The following DNAJC14 variants were observed in gnomAD, a reference collection of about 807,000 sequenced individuals.
The protein encoded by DNAJC14 is dnaJ homolog subfamily C member 14.
Under a neutral mutation model 68.8 loss-of-function variants are expected in DNAJC14, and 12 were observed. The ratio of observed to expected loss-of-function variants is 0.17; its 90% confidence interval spans 0.11 to 0.28. DNAJC14 has a LOEUF of 0.28. Among genes scored for constraint, DNAJC14 ranks in the 10% least tolerant of loss-of-function variants. DNAJC14 has a pLI of 1.00. For synonymous variants in DNAJC14, 350 were observed against 321.5 expected (o/e 1.09, Z -0.95); for missense variants, 764 against 875.6 (o/e 0.87, Z 1.61).
intron 2 of DNAJC14, among the ~76,000 whole-genome samples, chr12:55,823,811 TCTC>T (rs1425771830): frequency 1.3e-5 from 2 of 150,562 alleles, no homozygotes; most frequent in African/African-American, 4.9e-5. Context: ...TTCTAGCAAT[TCTC>T]CTGCCTCAGC....
chr12:55,829,009 T>G (rs1880886527), intron 1 of DNAJC14: 3 of 791,288 alleles, frequency 3.8e-6, no homozygotes, highest in South Asian at 5.3e-5. Flanking sequence ...GGGTCACTCT[T>G]AGGAAAATGG....
upstream of DNAJC14, chr12:55,829,682 G>T: frequency 2.2e-6 from 2 of 913,992 alleles, no homozygotes; most frequent in African/African-American, 1.8e-5. Context: ...AGAAATAGCG[G>T]TTGGCTGAGA....
intron 1 of DNAJC14, 91 bp from the exon 2 acceptor site, chr12:55,828,805 C>A: frequency 1.5e-6 from 2 of 1,365,594 alleles, no homozygotes; most frequent in South Asian, 1.8e-5. Context: ...AATTCATCCA[C>A]CTCCCTTGTT....
rs1467353847 is a variant in DNAJC14, at chr12:55,821,900, G to A, written c.*77C>T. 7.1e-6 allele frequency: 10 copies of A among 1,410,288 alleles called. No individual in the cohort carries two copies. The highest frequency in any genetic ancestry group is 9.6e-6 in the Non-Finnish European group (10 of 1,039,322). The allele number at this position is 1,410,288 out of a possible 1,614,324, so 87.4% of individuals were successfully genotyped here. On this transcript the variant is annotated 3_prime_UTR_variant, in exon 7 of 7. Coordinates refer to ENST00000678005, the MANE Select transcript of DNAJC14 (RefSeq NM_032364.6). ...ATTCAGTTCCTAGGTGTTGGGGGAG[G>A]AGGGATAAATCAAACTCCATCCTGT...
chr12:55,827,760 C>T lies in DNAJC14; in HGVS notation c.899G>A (p.Gly300Asp). Residue 300 changes from glycine to aspartate, a missense_variant, in exon 2 of 7, where the codon GGC (glycine) becomes GAC (aspartate). Gly to Asp is a moderately conservative substitution (Grantham distance 94). Transcript: ENST00000678005. ...AAACTGAAACATGACCTGGGCCCAG[C>T]CCCCTAACCGCCCTGTCCACACTCC... ...WMGVWTGRLG[G>D]WAQVMFQFLS... 6.2e-7 allele frequency: 1 copy of T among 1,613,930 alleles called. No individual in the cohort carries two copies. Among genetic ancestry groups the T allele is most frequent in the Admixed American group, 1.7e-5 (1 of 59,968 alleles).
chr12:55,826,231 A>C (rs1880790579), intron 2 of DNAJC14, among the ~76,000 whole-genome samples: 1 of 151,190 alleles, frequency 6.6e-6, no homozygotes, highest in Non-Finnish European at 1.5e-5. Context: ...GACAAACAAA[A>C]TGGAGGGAAG....
Position 55,822,512 on chromosome 12 carries a change from G to C in DNAJC14, c.1796-37C>G, listed in dbSNP as rs763983079. ...AGAAATAATTAGCCAAAACGTCGCA[G>C]TTTAGAGCACATAAAAGATCAGGAA... On this transcript the variant is annotated intron_variant, in intron 5 of 6. Coordinates refer to ENST00000678005, the MANE Select transcript of DNAJC14 (RefSeq NM_032364.6). 1 of 1,613,748 alleles carries C rather than the reference G, an allele frequency of 6.2e-7. No individual in the cohort carries two copies. The highest frequency in any genetic ancestry group is 8.5e-7 in the Non-Finnish European group (1 of 1,179,842).
rs149569906 is a variant in DNAJC14 at position 55,827,510 on chromosome 12, A to T, written c.1149T>A (p.Asp383Glu). The T allele has an allele frequency of 5.1e-4, 813 of 1,604,502 alleles. No individual in the cohort carries two copies. The highest frequency in any genetic ancestry group is 5.9e-4 in the Non-Finnish European group (690 of 1,172,094). Reference sequence around the variant, plus strand: ...TTACCAGCCGCTGCCATGGCCTGCTATCTCTCAGCAGAGTCAAGCAACGCT... The same window carrying T: ...TTACCAGCCGCTGCCATGGCCTGCTTTCTCTCAGCAGAGTCAAGCAACGCT... ...ALQRCLTLLR[D>E]SRPWQRLVRI... Residue 383 changes from aspartate (D) to glutamate (E), a missense_variant, in exon 2 of 7, where the codon GAT becomes GAA. Asp to Glu is a conservative substitution (Grantham distance 45). Around this residue, in one of 4 missense-constraint regions of DNAJC14, gnomAD observed 514 missense variants for 521.7 expected, o/e 0.99. Coordinates refer to ENST00000678005, the MANE Select transcript of DNAJC14 (RefSeq NM_032364.6).
At chr12:55,829,718 G>A (rs1392781097), upstream of DNAJC14, 9 of 607,136 alleles carry the variant, frequency 1.5e-5, no homozygotes, top group Non-Finnish European at 1.9e-5. Flanking sequence ...CTAGGGCTGC[G>A]TCGACTCCAA....
chr12:55,826,042 T>C (rs936685947), intron 2 of DNAJC14, among the ~76,000 whole-genome samples: 2 of 151,918 alleles, frequency 1.3e-5, no homozygotes, highest in Admixed American at 6.6e-5. Context: ...CTGGGAGAAA[T>C]AGTTGGGTTA....
At chr12:55,827,063 C>A (rs1307238750) in intron 2 of DNAJC14, among the ~76,000 whole-genome samples, 189 bp downstream of exon 2, 1 of 151,366 alleles carries the variant, frequency 6.6e-6, no homozygotes, top group Non-Finnish European at 1.5e-5. Context: ...TGGTGGCGCG[C>A]ACCTGTAATC....
rs1880867415 is a variant in DNAJC14 at position 55,828,456 on chromosome 12, G to A, written c.203C>T (p.Ala68Val). The A allele has an allele frequency of 6.2e-7, 1 of 1,614,192 alleles. No homozygotes were observed. The highest frequency in any genetic ancestry group is 2.2e-5 in the East Asian group (1 of 44,882). ...GPKHTQHPNP[A>V]HWLDPSHGPP... ...GCCATGGCTTGGGTCCAACCAATGGGCTGGGTTTGGGTGCTGTGTGTGCTT... is the reference window on the plus strand; with the variant it reads ...GCCATGGCTTGGGTCCAACCAATGGACTGGGTTTGGGTGCTGTGTGTGCTT... The change falls in exon 2 of 7, where the codon GCC becomes GTC. Residue 68 changes from alanine (A) to valine (V), a missense_variant. Transcript: ENST00000678005.
intron 2 of DNAJC14, among the ~76,000 whole-genome samples, chr12:55,825,794 T>C (rs1285427484): frequency 6.6e-6 from 1 of 151,920 alleles, no homozygotes; most frequent in Non-Finnish European, 1.5e-5. Context: ...TCTGCCCACC[T>C]CACCCTCCCA....
intron 1 of DNAJC14, 24 bp downstream of exon 1, chr12:55,829,465 A>G: frequency 3.2e-6 from 2 of 618,194 alleles, no homozygotes; most frequent in South Asian, 7.2e-5. Context: ...AAAAAAACGA[A>G]AAAAAAAAAA....
intron 4 of DNAJC14, 87 bp from the exon 5 acceptor site, chr12:55,822,819 G>A (rs1024146143): frequency 1.3e-5 from 19 of 1,516,696 alleles, no homozygotes; most frequent in Non-Finnish European, 1.7e-5. Flanking sequence ...TCACAAATAG[G>A]GCTGAAACAT....
At chr12:55,823,246 C>T in intron 3 of DNAJC14, 57 bp from the exon 4 acceptor site, 1 of 1,612,204 alleles carries the variant, frequency 6.2e-7, no homozygotes, top group Non-Finnish European at 8.5e-7. Flanking sequence ...CAAAGGAAGA[C>T]ATATCAGTTG....
At chr12:55,822,310 G>A in intron 6 of DNAJC14, 63 bp downstream of exon 6, 1 of 1,571,514 alleles carries the variant, frequency 6.4e-7, no homozygotes. Flanking sequence ...TAAAAAGCAG[G>A]TCATCTGAAA....
rs1249261934 is a variant in DNAJC14, at chr12:55,821,945, C to T, written c.*32G>A. On this transcript the variant is annotated 3_prime_UTR_variant, in exon 7 of 7. Transcript: ENST00000678005. ...TCCTGTGCTACAGCCCTTTTGACTCCCTGACATTGATTTGAGGAAAGAGAA... is the reference window on the plus strand; with the variant it reads ...TCCTGTGCTACAGCCCTTTTGACTCTCTGACATTGATTTGAGGAAAGAGAA... 6.3e-7 allele frequency: 1 copy of T among 1,587,578 alleles called. No homozygotes were observed. The highest frequency in any genetic ancestry group is 8.6e-7 in the Non-Finnish European group (1 of 1,166,418).
rs763613382 is a variant in DNAJC14, at chr12:55,823,417, C to A, written c.1499G>T (p.Arg500Leu). The A allele has an allele frequency of 1.5e-5, 25 of 1,614,050 alleles. No individual in the cohort carries two copies. The East Asian group carries it at 5.3e-4, about 35-fold the overall frequency. The change falls in exon 3 of 7, where the codon CGA becomes CTA. Residue 500 changes from arginine (R) to leucine (L), a missense_variant. Physicochemically the swap from Arg to Leu is moderately radical, Grantham distance 102 (BLOSUM62 -2). This residue lies in a region of DNAJC14 where 110 missense variants were observed against 162.7 expected (regional missense o/e 0.68). Transcript: ENST00000678005. ...TCCAACTTACATCTCATACTCCTTT[C>A]GCTTTTCAGCATTGCTGACAATGTC... ...AWDIVSNAEK[R>L]KEYEMKRMAE... is the part of the protein sequence containing the mutation.
Sources: allele counts gnomAD v4.1 joint callset (sites outside exome capture counted in the v4.1 genomes callset), GRCh38; gene constraint gnomAD v4.1.1; regional missense constraint gnomAD v4.1.1; transcripts MANE v1.5; gene names NCBI Gene and HGNC (gene_info 2026-07-23, HGNC 2026-07-21).